Variants in GRM7 observed in about 807,000 individuals in gnomAD.
The protein encoded by GRM7 is metabotropic glutamate receptor 7.
Under a neutral mutation model 84.5 loss-of-function variants are expected in GRM7, and 35 were observed. That is an observed-to-expected ratio of 0.41 (90% CI 0.32 to 0.55). The LOEUF is 0.55. Among genes scored for constraint, GRM7 ranks in the 20% least tolerant of loss-of-function variants. GRM7 has a pLI of 0.19. For synonymous variants in GRM7, 487 were observed against 455.1 expected (o/e 1.07, Z -0.89); for missense variants, 1,003 against 1,194.6 (o/e 0.84, Z 2.36).
At chr3:7,646,692 T>TG (rs1575590294) in intron 8 of GRM7, among the ~76,000 whole-genome samples, 1 of 152,228 alleles carries the variant, frequency 6.6e-6, no homozygotes, top group East Asian at 1.9e-4. Flanking sequence ...ATGGTGATTT[T>TG]GGGGGGGAAG....
In GRM7 at chr3:7,276,201, A is replaced by ATGTG. The variant is rs761570108; in HGVS notation, c.737-22482_737-22481insGTGT. 9.7e-3 allele frequency among the ~76,000 whole-genome samples: 1,302 copies of ATGTG among 133,572 alleles called. 11 individuals are homozygous for ATGTG. The highest frequency in any genetic ancestry group is 0.018 in the Admixed American group (235 of 12,818). The allele number at this position is 133,572 out of a possible 152,430, so 87.6% of individuals were successfully genotyped here. A position where few individuals can be genotyped will look rare whatever the true frequency, so the allele number is the denominator to read the frequency against. ...CCATTATTTTTTAAATTATATATAT[A>ATGTG]TATATATGTGTGTGTGTGTGTGTGT... On this transcript the variant is annotated intron_variant, in intron 2 of 9. Transcript: ENST00000357716.
chr3:7,295,340 C>T (rs527570333), intron 2 of GRM7, among the ~76,000 whole-genome samples: 3 of 152,242 alleles, frequency 2.0e-5, no homozygotes, highest in African/African-American at 4.8e-5. Context: ...ATTTTCTTCC[C>T]TTGATTCAAC....
chr3:7,273,335 C>A (rs906720497), intron 2 of GRM7, among the ~76,000 whole-genome samples: 1 of 152,050 alleles, frequency 6.6e-6, no homozygotes, highest in East Asian at 1.9e-4. Flanking sequence ...TTGCTACTAA[C>A]GAATAAAGTA....
chr3:7,028,186 C>G (rs958881175), intron 1 of GRM7, among the ~76,000 whole-genome samples: 9 of 152,158 alleles, frequency 5.9e-5, no homozygotes, highest in African/African-American at 2.2e-4. Context: ...TTTACAAAGT[C>G]AGCTTACTAT....
intron 4 of GRM7, among the ~76,000 whole-genome samples, chr3:7,322,821 G>A (rs189856683): frequency 2.0e-5 from 3 of 151,938 alleles, no homozygotes; most frequent in African/African-American, 4.8e-5. Flanking sequence ...GGAGATGTAC[G>A]AGTTGAAGCA....
At chr3:6,934,864 A>C (rs1697633114) in intron 1 of GRM7, among the ~76,000 whole-genome samples, 1 of 152,178 alleles carries the variant, frequency 6.6e-6, no homozygotes, top group South Asian at 2.1e-4. Flanking sequence ...CCTGAGAAAA[A>C]AAAGAATATT....
At chr3:7,101,830 T>C (rs995359345) in intron 1 of GRM7, among the ~76,000 whole-genome samples, 2 of 148,706 alleles carry the variant, frequency 1.3e-5, no homozygotes, top group African/African-American at 4.9e-5. Context: ...CTGCTTTATA[T>C]ATAAAGGTAT....
chr3:7,436,922 C>G (rs918423500), intron 5 of GRM7, among the ~76,000 whole-genome samples: 2 of 151,860 alleles, frequency 1.3e-5, no homozygotes, highest in African/African-American at 4.8e-5. Context: ...GGTCTTTTAT[C>G]ATCATCATCA....
At chr3:6,917,888 A>G (rs564762328) in intron 1 of GRM7, among the ~76,000 whole-genome samples, 1 of 152,242 alleles carries the variant, frequency 6.6e-6, no homozygotes, top group South Asian at 2.1e-4. Context: ...AGAAGTTTTG[A>G]CTATTCTTTA....
chr3:7,323,069 G>A (rs1231876804), intron 4 of GRM7, among the ~76,000 whole-genome samples: 1 of 152,112 alleles, frequency 6.6e-6, no homozygotes, highest in Non-Finnish European at 1.5e-5. Flanking sequence ...AACACACGGT[G>A]ATCTCTGGAG....
intron 4 of GRM7, among the ~76,000 whole-genome samples, chr3:7,396,611 C>T (rs1695222148): frequency 6.6e-6 from 1 of 152,004 alleles, no homozygotes; most frequent in Non-Finnish European, 1.5e-5. Flanking sequence ...CAATTTTTCT[C>T]TTCTTTGTAT....
chr3:7,645,073 A>C (rs1698560805), intron 8 of GRM7, among the ~76,000 whole-genome samples: 1 of 152,104 alleles, frequency 6.6e-6, no homozygotes, highest in Admixed American at 6.6e-5. Context: ...ATCCCTACCC[A>C]AAAGCTCTGG....
chr3:6,861,971 C>T lies in GRM7; in HGVS notation c.519+64C>T. ...CTACCTGCGCCCTTAACCCTAAAAGCTGGCTTGGACTCCGGTGGTGCGGGT... is the reference window on the plus strand; with the variant it reads ...CTACCTGCGCCCTTAACCCTAAAAGTTGGCTTGGACTCCGGTGGTGCGGGT... On this transcript the variant is annotated intron_variant, in intron 1 of 9. Transcript: ENST00000357716. The surrounding 1 kb of genome is among the most constrained non-coding windows in gnomAD (Gnocchi z 6.4). 2 of 1,375,124 alleles carry T rather than the reference C, an allele frequency of 1.5e-6. No individual in the cohort carries two copies. Among genetic ancestry groups the T allele is most frequent in the Non-Finnish European group, 2.0e-6 (2 of 996,704 alleles). 85.2% of individuals were successfully genotyped at this position (1,375,124 alleles called of 1,614,324 possible).
chr3:6,873,319 G>A (rs1695193567), intron 1 of GRM7, among the ~76,000 whole-genome samples: 1 of 152,094 alleles, frequency 6.6e-6, no homozygotes, highest in South Asian at 2.1e-4. Context: ...GTGATCCTTT[G>A]GTCTTGGCCT....
At chr3:7,642,182 T>C (rs1698394902) in intron 8 of GRM7, among the ~76,000 whole-genome samples, 1 of 152,172 alleles carries the variant, frequency 6.6e-6, no homozygotes, top group Admixed American at 6.6e-5. Context: ...CATTTTTGCC[T>C]AGGAATATAC....
intron 9 of GRM7, among the ~76,000 whole-genome samples, chr3:7,698,232 T>C (rs162772): frequency 6.6e-6 from 1 of 152,000 alleles, no homozygotes; most frequent in Non-Finnish European, 1.5e-5. Context: ...ATATGGGAGA[T>C]AGTGTTCTGG....
chr3:7,290,993 GCCATTTACACTGTT>G (rs1167774491), intron 2 of GRM7, among the ~76,000 whole-genome samples: 2 of 151,934 alleles, frequency 1.3e-5, no homozygotes, highest in Non-Finnish European at 2.9e-5. Context: ...TTTCTTTGTG[GCCATTTACACTGTT>G]CCACTCTGTC....
intron 1 of GRM7, among the ~76,000 whole-genome samples, chr3:7,043,199 CAT>C (rs1236228585): frequency 6.6e-6 from 1 of 152,198 alleles, no homozygotes; most frequent in African/African-American, 2.4e-5. Flanking sequence ...ACCCCACACT[CAT>C]GAGCTGAGCA....
At chr3:6,980,134 CCATTCTTT>C (rs1694142378) in intron 1 of GRM7, among the ~76,000 whole-genome samples, 1 of 152,008 alleles carries the variant, frequency 6.6e-6, no homozygotes, top group Admixed American at 6.6e-5. Flanking sequence ...TTTCTGCCTT[CCATTCTTT>C]CATTCTTTCA....
Sources: gnomAD v4.1 joint callset for allele counts (sites outside exome capture counted in the v4.1 genomes callset) on GRCh38, gnomAD v4.1.1 for gene constraint, Gnocchi (gnomAD v3.1) non-coding constraint, MANE v1.5 for transcripts, NCBI Gene and HGNC (gene_info 2026-07-23, HGNC 2026-07-21) for gene names.